The following ENOPH1 variants were observed in gnomAD, a reference collection of about 807,000 sequenced individuals.
ENOPH1 encodes the protein enolase-phosphatase 1.
ENOPH1 carries 14 observed loss-of-function variants against 31.1 expected under a neutral mutation model. That is an observed-to-expected ratio of 0.45 (90% confidence interval 0.30 to 0.70). The LOEUF is 0.70. Among genes scored for constraint, ENOPH1 ranks in the 30% least tolerant of loss-of-function variants. The probability of loss-of-function intolerance (pLI) is 0.09; values close to 1 mark genes in which losing one functional copy is unlikely to be tolerated. For missense variants in ENOPH1, 243 were observed against 321.5 expected, an observed-to-expected ratio of 0.76 and a Z score of 1.87; for synonymous variants, 127 against 123.2, an observed-to-expected ratio of 1.03 and a Z score of -0.21.
At chr4:82,435,257 A>G (rs940779510) in intron 1 of ENOPH1, among the ~76,000 whole-genome samples, 4 of 152,128 alleles carry the variant, frequency 2.6e-5, no homozygotes, top group African/African-American at 7.2e-5. Context: ...GTGCACCACC[A>G]TGCCTAGCTA....
intron 5 of ENOPH1, among the ~76,000 whole-genome samples, chr4:82,457,297 A>C (rs928850271): frequency 2.8e-4 from 42 of 151,882 alleles, no homozygotes; most frequent in Non-Finnish European, 6.2e-4. Flanking sequence ...GATTGCTTGA[A>C]CCCAGGAGTT....
At chr4:82,431,092 G>A (rs1450915236) in intron 1 of ENOPH1, among the ~76,000 whole-genome samples, 179 bp downstream of exon 1, 1 of 152,204 alleles carries the variant, frequency 6.6e-6, no homozygotes, top group Non-Finnish European at 1.5e-5. Context: ...GCTTTTCCTC[G>A]CGACACTAGC....
chr4:82,433,133 G>A (rs1329575305), intron 1 of ENOPH1, among the ~76,000 whole-genome samples: 14 of 152,282 alleles, frequency 9.2e-5, no homozygotes, highest in Admixed American at 1.3e-4. Flanking sequence ...CAAGGATAAG[G>A]ACAGGAGAGG....
intron 3 of ENOPH1, among the ~76,000 whole-genome samples, chr4:82,452,212 C>T (rs1309300193): frequency 3.9e-5 from 6 of 152,006 alleles, no homozygotes; most frequent in East Asian, 1.9e-4. Flanking sequence ...ACCACAGGCA[C>T]GCACCACCAC....
intron 3 of ENOPH1, among the ~76,000 whole-genome samples, chr4:82,453,046 C>T (rs913951524): frequency 5.3e-5 from 8 of 151,806 alleles, no homozygotes; most frequent in Non-Finnish European, 8.8e-5. Context: ...GGACTACAGG[C>T]GTGTGCCACC....
chr4:82,431,024 C>CTT (rs10646358), intron 1 of ENOPH1, 111 bp downstream of exon 1: 940,445 of 990,870 alleles, frequency 0.95, 448,965 homozygotes, highest in East Asian at 1. Context: ...GGCGGTGTGG[C>CTT]TGCCTCTTGT....
intron 1 of ENOPH1, among the ~76,000 whole-genome samples, chr4:82,440,973 A>G (rs539655328): frequency 6.6e-6 from 1 of 152,344 alleles, no homozygotes; most frequent in East Asian, 1.9e-4. Flanking sequence ...TGTGGCAGCC[A>G]GAACACAGAA....
At chr4:82,447,023 TC>T (rs1197251374) in intron 1 of ENOPH1, among the ~76,000 whole-genome samples, 1 of 148,674 alleles carries the variant, frequency 6.7e-6, no homozygotes, top group African/African-American at 2.5e-5. Flanking sequence ...TCTTATTCTG[TC>T]CCCCAGGCTG....
In ENOPH1 at chr4:82,430,785, G is replaced by GCCCTCCC. The variant is rs1418355490; in HGVS notation, c.-43_-37dup. The GCCCTCCC allele has an allele frequency of 6.3e-7, 1 of 1,586,970 alleles. No homozygotes were observed. The highest frequency in any genetic ancestry group is 1.1e-5 in the South Asian group (1 of 90,550). ...GCAGCCGCAGCCGGCGCCGCCCTCC[G>GCCCTCCC]CCCTCCCCAACAGCAGGCCGAGTCC... On this transcript the variant is annotated 5_prime_UTR_variant, in exon 1 of 6. Coordinates refer to ENST00000273920, the MANE Select transcript of ENOPH1 (RefSeq NM_021204.5).
Position 82,456,680 on chromosome 4 carries a change from T to C in ENOPH1, c.523-235T>C, listed in dbSNP as rs1345901664. The stretch of plus-strand genomic sequence containing the variant: ...AAAATGAACGGTAGTGAAAACCAGG[T>C]AGATTATGAAATGATCTTATGTATG... On this transcript the variant is annotated intron_variant, in intron 4 of 5. Transcript: ENST00000273920. 5.9e-5 allele frequency among the ~76,000 whole-genome samples: 9 copies of C among 152,336 alleles called. No individual in the cohort carries two copies. In the South Asian group the frequency reaches 1.2e-3, roughly 21 times the overall value.
chr4:82,458,162 A>G (rs1722538673), intron 5 of ENOPH1, among the ~76,000 whole-genome samples: 1 of 152,076 alleles, frequency 6.6e-6, no homozygotes, highest in African/African-American at 2.4e-5. Flanking sequence ...CTGTTTTGGT[A>G]CCACATGCCC....
At chr4:82,439,512 G>C (rs1159147992) in intron 1 of ENOPH1, among the ~76,000 whole-genome samples, 1 of 152,196 alleles carries the variant, frequency 6.6e-6, no homozygotes, top group South Asian at 2.1e-4. Flanking sequence ...CCTTTGATGG[G>C]GGTAAAGAGT....
chr4:82,438,681 TA>T (rs1163513287), intron 1 of ENOPH1, among the ~76,000 whole-genome samples: 2 of 152,130 alleles, frequency 1.3e-5, no homozygotes, highest in Non-Finnish European at 2.9e-5. Flanking sequence ...TAACAATTTT[TA>T]AAAGGGGCAC....
rs141622220 is a variant in ENOPH1, at chr4:82,451,440, G to A, written c.389+195G>A. The stretch of plus-strand genomic sequence containing the variant: ...AATATTTCAGCTGACTAGATTACCC[G>A]GACCTGCCAGTCTGGTCTTGTGGGT... On this transcript the variant is annotated intron_variant, in intron 3 of 5. Coordinates refer to ENST00000273920, the MANE Select transcript of ENOPH1 (RefSeq NM_021204.5). 1.6e-3 allele frequency among the ~76,000 whole-genome samples: 241 copies of A among 152,224 alleles called. 1 individual carries two copies. In the Middle Eastern group the frequency reaches 0.017, roughly 11 times the overall value.
At chr4:82,454,645 A>G in intron 3 of ENOPH1, 77 bp from the exon 4 acceptor site, 2 of 1,491,148 alleles carry the variant, frequency 1.3e-6, no homozygotes, top group Non-Finnish European at 1.8e-6. Flanking sequence ...AGAGAAACAT[A>G]TGGCATCTGT....
chr4:82,453,094 T>G (rs1014595269), intron 3 of ENOPH1, among the ~76,000 whole-genome samples: 386 of 151,736 alleles, frequency 2.5e-3, no homozygotes, highest in African/African-American at 8.8e-3. Flanking sequence ...GTAGAGACAG[T>G]GTTTCACCGT....
chr4:82,440,758 A>G (rs1269827130), intron 1 of ENOPH1, among the ~76,000 whole-genome samples: 1 of 152,030 alleles, frequency 6.6e-6, no homozygotes, highest in Non-Finnish European at 1.5e-5. Flanking sequence ...ATCTTTTGTT[A>G]ATTATAATTT....
rs564224533 is a variant in ENOPH1, at chr4:82,441,157, A to T, written c.85-6763A>T. ...TGTATTAGTCTGTTCTCATGCTGCT[A>T]ATAAAGACATACCTGAGACTGAGTA... On this transcript the variant is annotated intron_variant, in intron 1 of 5. Transcript: ENST00000273920. Among the ~76,000 whole-genome samples the T allele has an allele frequency of 2.0e-5, 3 of 152,322 alleles. No homozygotes were observed. In the South Asian group the frequency reaches 6.2e-4, roughly 32 times the overall value.
At chr4:82,459,943 G>A (rs1426660801) in intron 5 of ENOPH1, 38 bp from the exon 6 acceptor site, 1 of 1,602,490 alleles carries the variant, frequency 6.2e-7, no homozygotes, top group East Asian at 2.2e-5. Flanking sequence ...TCATTTTTTG[G>A]TGTTTCTGAC....
Sources: allele counts gnomAD v4.1 joint callset (sites outside exome capture counted in the v4.1 genomes callset), GRCh38; gene constraint gnomAD v4.1.1; transcripts MANE v1.5; gene names NCBI Gene and HGNC (gene_info 2026-07-23, HGNC 2026-07-21).